The following GCSAML variants were observed in gnomAD, a reference collection of about 807,000 sequenced individuals.
GCSAML encodes the protein germinal center-associated signaling and motility-like protein.
GCSAML carries 9 observed loss-of-function variants against 13.0 expected under a neutral mutation model. The observed-to-expected ratio is 0.69, with a 90% CI of 0.42 to 1.21. GCSAML has a LOEUF of 1.21. Ranked by LOEUF, GCSAML falls within the 50% of genes most tolerant of loss-of-function variation. The pLI is 0.00. For synonymous variants in GCSAML, 37 were observed against 52.9 expected (o/e 0.70, Z 1.31); for missense variants, 143 against 153.4 (o/e 0.93, Z 0.36).
chr1:247,507,976 C>T (rs532418357), intron 1 of GCSAML, among the ~76,000 whole-genome samples: 2 of 152,232 alleles, frequency 1.3e-5, no homozygotes, highest in Admixed American at 1.3e-4. Flanking sequence ...AATAAACATA[C>T]GTGTGCATGT....
At chr1:247,531,361 A>G (rs2103001922) in intron 2 of GCSAML, 1 of 620,764 alleles carries the variant, frequency 1.6e-6, no homozygotes, top group East Asian at 2.8e-5. Flanking sequence ...GAACAAAACT[A>G]TGATAATTAG....
chr1:247,565,692 G>T, intron 3 of GCSAML: 1 of 440,994 alleles, frequency 2.3e-6, no homozygotes, highest in East Asian at 3.8e-5. Flanking sequence ...TTTATTTACA[G>T]AAAGAACATA....
intron 4 of GCSAML, among the ~76,000 whole-genome samples, chr1:247,567,164 A>G (rs1353655659): frequency 2.0e-5 from 3 of 149,680 alleles, no homozygotes; most frequent in Non-Finnish European, 4.4e-5. Flanking sequence ...TTATTTATTT[A>G]TTTATTTATT....
intron 1 of GCSAML, among the ~76,000 whole-genome samples, chr1:247,508,878 G>A (rs981000056): frequency 7.0e-4 from 106 of 152,042 alleles, no homozygotes; most frequent in African/African-American, 2.2e-3. Context: ...TTTTGGTACC[G>A]GTATCATGCT....
chr1:247,522,068 C>T (rs575502158), intron 1 of GCSAML, among the ~76,000 whole-genome samples: 68 of 151,428 alleles, frequency 4.5e-4, no homozygotes, highest in Admixed American at 1.1e-3. Context: ...TCTGCCCGAC[C>T]GCCCCATCTG....
At chr1:247,547,218 G>C (rs1007182970), upstream of GCSAML, among the ~76,000 whole-genome samples, 1 of 152,152 alleles carries the variant, frequency 6.6e-6, no homozygotes, top group African/African-American at 2.4e-5. Context: ...ACATGGCATT[G>C]AGAACTTAAA....
intron 4 of GCSAML, among the ~76,000 whole-genome samples, chr1:247,570,449 T>A (rs1054246863): frequency 6.6e-6 from 1 of 152,214 alleles, no homozygotes; most frequent in Admixed American, 6.5e-5. Context: ...TATTTCTGCC[T>A]ACATTTTATT....
chr1:247,529,488 C>T (rs1666818956), intron 2 of GCSAML: 1 of 152,212 alleles, frequency 6.6e-6, no homozygotes, highest in African/African-American at 2.4e-5. Flanking sequence ...TTCCTGCAGG[C>T]TGCAGTGTAT....
rs1237861438 is a variant in GCSAML, at chr1:247,574,273, G to C, written c.299G>C (p.Arg100Thr). ...ENIDSLTRKV[R>T]QFRERSETEY... ...ATTGACTCCCTCACAAGGAAAGTGAGACAGTTTAGAGAAAGGTCAGAGACA... is the reference window on the plus strand; with the variant it reads ...ATTGACTCCCTCACAAGGAAAGTGACACAGTTTAGAGAAAGGTCAGAGACA... The change falls in exon 5 of 5, where the codon AGA (arginine) becomes ACA (threonine). Residue 100 changes from arginine to threonine, a missense_variant. By Grantham distance (71) the Arg-to-Thr change is moderately conservative. Transcript: ENST00000366488. 1 of 1,614,106 alleles carries C rather than the reference G, an allele frequency of 6.2e-7. No homozygotes were observed. Among genetic ancestry groups the C allele is most frequent in the South Asian group, 1.1e-5 (1 of 91,076 alleles).
In GCSAML at chr1:247,574,603, G is replaced by A. The variant is rs867540497; in HGVS notation, c.*221G>A. ...CACAATGACCTAAAATATTCTATGT[G>A]TTTTTGCTTGTAAAGTTTGAGGACA... is the stretch of plus-strand genomic sequence containing the variant. On this transcript the variant is annotated 3_prime_UTR_variant, in exon 5 of 5. Transcript: ENST00000366488. 4 of 527,414 alleles carry A rather than the reference G, an allele frequency of 7.6e-6. No individual in the cohort carries two copies. The Admixed American group carries it at 1.1e-4, about 14-fold the overall frequency. 32.7% of individuals were successfully genotyped at this position (527,414 alleles called of 1,614,324 possible).
intron 1 of GCSAML, among the ~76,000 whole-genome samples, chr1:247,508,079 G>T (rs1448834929): frequency 3.9e-5 from 6 of 152,174 alleles, no homozygotes; most frequent in Non-Finnish European, 8.8e-5. Context: ...AGATCCTTGA[G>T]GAATTGCCAC....
intron 4 of GCSAML, among the ~76,000 whole-genome samples, chr1:247,566,161 A>G (rs2103063831): frequency 6.6e-6 from 1 of 152,334 alleles, no homozygotes; most frequent in Non-Finnish European, 1.5e-5. Context: ...AGGAAATAAA[A>G]AACCAAAAAG....
intron 4 of GCSAML, among the ~76,000 whole-genome samples, chr1:247,569,083 T>G (rs529434690): frequency 1.3e-5 from 2 of 152,318 alleles, no homozygotes; most frequent in South Asian, 4.1e-4. Context: ...TGAAGTTGCT[T>G]ATTAGGTTAA....
At chr1:247,519,654 TCACAGAGGA>T (rs1190673511) in intron 1 of GCSAML, among the ~76,000 whole-genome samples, 2 of 152,240 alleles carry the variant, frequency 1.3e-5, no homozygotes, top group African/African-American at 4.8e-5. Flanking sequence ...TTAGAAAATT[TCACAGAGGA>T]CTATGCATGG....
intron 1 of GCSAML, among the ~76,000 whole-genome samples, chr1:247,508,709 C>A (rs1238271759): frequency 1.3e-5 from 2 of 152,024 alleles, no homozygotes; most frequent in African/African-American, 4.8e-5. Context: ...GGAAGGTGTC[C>A]ATTTCAGTTT....
At chr1:247,564,836 C>T (rs1668277500) in intron 3 of GCSAML, among the ~76,000 whole-genome samples, 1 of 152,058 alleles carries the variant, frequency 6.6e-6, no homozygotes, top group Admixed American at 6.5e-5. Flanking sequence ...GAAACTGGAC[C>T]CCTTCCTTAC....
chr1:247,559,938 A>C (rs1406058832), intron 2 of GCSAML, among the ~76,000 whole-genome samples: 1 of 152,236 alleles, frequency 6.6e-6, no homozygotes, highest in Non-Finnish European at 1.5e-5. Flanking sequence ...CTCCAAATAC[A>C]GTCACATTCT....
chr1:247,567,860 A>G (rs1445237949), intron 4 of GCSAML, among the ~76,000 whole-genome samples: 2 of 152,142 alleles, frequency 1.3e-5, no homozygotes. Flanking sequence ...ATTTTTAATG[A>G]TCACCATTCT....
chr1:247,540,323 G>A (rs1046602736), intron 2 of GCSAML, among the ~76,000 whole-genome samples: 5 of 152,278 alleles, frequency 3.3e-5, no homozygotes, highest in Non-Finnish European at 7.4e-5. Flanking sequence ...GAGCCACCAC[G>A]CCCAGCCAGT....
Sources: gnomAD v4.1 joint callset for allele counts (sites outside exome capture counted in the v4.1 genomes callset) on GRCh38, gnomAD v4.1.1 for gene constraint, MANE v1.5 for transcripts, NCBI Gene and HGNC (gene_info 2026-07-23, HGNC 2026-07-21) for gene names.